PTCH2: variants seen among roughly 807,000 people sequenced by gnomAD.
PTCH2 encodes the protein protein patched homolog 2.
Under a neutral mutation model 117.9 loss-of-function variants are expected in PTCH2, and 96 were observed. The ratio of observed to expected loss-of-function variants is 0.81; its 90% confidence interval spans 0.69 to 0.96. The LOEUF is 0.96. Ranked by LOEUF, PTCH2 falls within the 50% of genes least tolerant of loss-of-function variation. The pLI is 0.00. For synonymous variants in PTCH2, 615 were observed against 660.9 expected, an observed-to-expected ratio of 0.93 and a Z score of 1.06; for missense variants, 1,379 against 1,562.5, an observed-to-expected ratio of 0.88 and a Z score of 1.98.
intron 2 of PTCH2, among the ~76,000 whole-genome samples, chr1:44,833,454 T>TTTTTA (rs1653546703): frequency 6.6e-6 from 1 of 151,122 alleles, no homozygotes; most frequent in African/African-American, 2.4e-5. Context: ...TTTTTTTTTT[T>TTTTTA]GAGACAGAGT....
rs768246990 is a variant in PTCH2 at position 44,842,003 on chromosome 1, G to A, written c.109C>T (p.Arg37Cys). The change falls in exon 2 of 22, where the codon CGT (arginine) becomes TGT (cysteine). Residue 37 changes from arginine to cysteine, a missense_variant. Arg to Cys is a radical substitution (Grantham distance 180). Coordinates refer to ENST00000372192, the MANE Select transcript of PTCH2 (RefSeq NM_003738.5). The stretch of plus-strand genomic sequence containing the variant: ...AAGAGCAGGCCCTGGAAGTAAGCAC[G>A]AAGCCAGAGTGGAGCCTTCAGGCTC... ...AGSLKAPLWL[R>C]AYFQGLLFSL... 8.7e-6 allele frequency: 14 copies of A among 1,613,968 alleles called. No homozygotes were observed. The highest frequency in any genetic ancestry group is 1.7e-4 in the Middle Eastern group (1 of 6,038).
chr1:44,832,852 C>A (rs1444914101), intron 2 of PTCH2, among the ~76,000 whole-genome samples: 1 of 152,102 alleles, frequency 6.6e-6, no homozygotes, highest in African/African-American at 2.4e-5. Context: ...TGATTTATAT[C>A]CACACACCTT....
At chr1:44,837,944 T>G (rs1390392733) in intron 2 of PTCH2, among the ~76,000 whole-genome samples, 1 of 151,792 alleles carries the variant, frequency 6.6e-6, no homozygotes, top group East Asian at 1.9e-4. Flanking sequence ...TAGCTGGGCA[T>G]GGTGGCGGGT....
chr1:44,819,985 G>GC (rs1336347976), downstream of PTCH2: 1 of 155,114 alleles, frequency 6.4e-6, no homozygotes, highest in African/African-American at 2.4e-5. Flanking sequence ...GCTTTGAAGA[G>GC]AAACCCGAGT....
intron 2 of PTCH2, among the ~76,000 whole-genome samples, chr1:44,836,767 C>T (rs1003707072): frequency 2.0e-5 from 3 of 151,724 alleles, no homozygotes; most frequent in South Asian, 4.2e-4. Context: ...AGTGGGACTG[C>T]GTCTCTACAA....
intron 2 of PTCH2, among the ~76,000 whole-genome samples, chr1:44,839,857 C>T (rs1040114422): frequency 1.3e-5 from 2 of 152,072 alleles, no homozygotes; most frequent in South Asian, 2.1e-4. Flanking sequence ...GTGGGGATGG[C>T]GTGTGGGAGC....
chr1:44,822,672 G>A lies in PTCH2; in HGVS notation c.3358-3C>T. 5.6e-6 allele frequency: 9 copies of A among 1,613,744 alleles called. No individual in the cohort carries two copies. Among genetic ancestry groups the A allele is most frequent in the Non-Finnish European group, 7.6e-6 (9 of 1,179,770 alleles). On this transcript the variant is annotated splice_region_variant and splice_polypyrimidine_tract_variant and intron_variant, in intron 21 of 21. Coordinates refer to ENST00000372192, the MANE Select transcript of PTCH2 (RefSeq NM_003738.5). ...CTTTCCTTGTACATCTGTATCACCTGTGGGGAGACACCAGCCCCAGTAAGC... is the reference window on the plus strand; with the variant it reads ...CTTTCCTTGTACATCTGTATCACCTATGGGGAGACACCAGCCCCAGTAAGC...
Position 44,827,490 on chromosome 1 carries a change from C to G in PTCH2, c.2283G>C (p.Gln761His). Residue 761 changes from glutamine (Q) to histidine (H), a missense_variant, in exon 15 of 22, where the codon CAG becomes CAC. Coordinates refer to ENST00000372192, the MANE Select transcript of PTCH2 (RefSeq NM_003738.5). ...GCACCGCCTTGAGGGAACTGAAGCGCTGGTGCAGATCAAAGAGGGCGCGTT... is the reference window on the plus strand; with the variant it reads ...GCACCGCCTTGAGGGAACTGAAGCGGTGGTGCAGATCAAAGAGGGCGCGTT... Reference protein sequence around the residue: ...HSQRALFDLHQRFSSLKAVLP... With the variant: ...HSQRALFDLHHRFSSLKAVLP... The G allele has an allele frequency of 1.2e-6, 2 of 1,614,002 alleles. No individual in the cohort carries two copies. The highest frequency in any genetic ancestry group is 1.7e-6 in the Non-Finnish European group (2 of 1,179,920).
In PTCH2 at chr1:44,832,253, G is replaced by A. The variant is rs758146648; in HGVS notation, c.354C>T (p.Thr118=). 1.3e-5 allele frequency: 21 copies of A among 1,614,038 alleles called. No homozygotes were observed. The highest frequency in any genetic ancestry group is 3.3e-5 in the South Asian group (3 of 91,094). The change falls in exon 3 of 22, where the codon ACC becomes ACT. Residue 118 remains threonine, a synonymous_variant. Transcript: ENST00000372192. ...AAYTSQMLIQ[T]ARQEGENILT... ...GGATGTTCTCTCCCTCCTGGCGTGC[G>A]GTCTGTATCAGCATCTGAGAGGTGT... is the stretch of plus-strand genomic sequence containing the variant.
chr1:44,819,959 G>A (rs74485107), downstream of PTCH2: 1,117 of 153,530 alleles, frequency 7.3e-3, 37 homozygotes, highest in East Asian at 0.098. Context: ...TTTAGTAAAA[G>A]GCGAAAGATT....
At chr1:44,841,297 G>A (rs1449478140) in intron 2 of PTCH2, among the ~76,000 whole-genome samples, 2 of 151,734 alleles carry the variant, frequency 1.3e-5, no homozygotes, top group Non-Finnish European at 2.9e-5. Context: ...CTCAAAGTGT[G>A]GATTCTGTAT....
chr1:44,820,680 A>G, downstream of PTCH2: 1 of 717,728 alleles, frequency 1.4e-6, no homozygotes, highest in South Asian at 1.5e-5. Context: ...CTGGGGTGGG[A>G]GGCAGAGGCT....
chr1:44,835,078 CTCTT>C (rs1398550529), intron 2 of PTCH2, among the ~76,000 whole-genome samples: 1 of 152,098 alleles, frequency 6.6e-6, no homozygotes. Context: ...AACAACTTGT[CTCTT>C]TTTTTTGAGA....
chr1:44,830,587 C>CAAAAAAAAAAAAAAA lies in PTCH2; in HGVS notation c.813+246_813+260dup, dbSNP rs768951349. On this transcript the variant is annotated intron_variant, in intron 6 of 21. Transcript: ENST00000372192. Reference sequence around the variant, plus strand: ...CCAGCCTGGGTGACAGAGTGAGACTCAAAAAAAAAAAAAAAAAGAAGTCCA... The same window carrying CAAAAAAAAAAAAAAA: ...CCAGCCTGGGTGACAGAGTGAGACTCAAAAAAAAAAAAAAAAAAAAAAAAAAAAAAAAGAAGTCCA... Among the ~76,000 whole-genome samples, 186 of 65,138 alleles carry CAAAAAAAAAAAAAAA rather than the reference C, an allele frequency of 2.9e-3. 10 individuals are homozygous for CAAAAAAAAAAAAAAA. Among genetic ancestry groups the CAAAAAAAAAAAAAAA allele is most frequent in the East Asian group, 5.4e-3 (10 of 1,858 alleles). 42.7% of individuals were successfully genotyped at this position (65,138 alleles called of 152,430 possible).
In PTCH2 at chr1:44,823,219, C is replaced by T; in HGVS notation, c.3257+24G>A. Reference sequence around the variant, plus strand: ...AGCCCAGGCCTGTCCTGAGCCCTGCCTCCCTGCCCCGAGCCCTCCCTACCT... The same window carrying T: ...AGCCCAGGCCTGTCCTGAGCCCTGCTTCCCTGCCCCGAGCCCTCCCTACCT... On this transcript the variant is annotated intron_variant, in intron 20 of 21. Transcript: ENST00000372192. The surrounding 1 kb of genome is among the most constrained non-coding windows in gnomAD (Gnocchi z 5.1). 1 of 1,614,186 alleles carries T rather than the reference C, an allele frequency of 6.2e-7. No homozygotes were observed. The highest frequency in any genetic ancestry group is 8.5e-7 in the Non-Finnish European group (1 of 1,180,020).
Position 44,826,672 on chromosome 1 carries a change from C to T in PTCH2, c.2792G>A (p.Arg931Gln), listed in dbSNP as rs369993325. 5.0e-6 allele frequency: 8 copies of T among 1,609,220 alleles called. No homozygotes were observed. Among genetic ancestry groups the T allele is most frequent in the East Asian group, 2.2e-5 (1 of 44,802 alleles). ...ADFVEAIEGA[R>Q]AACAEAGQAG... is the part of the protein sequence containing the mutation. ...CTGGCCGGCCTCTGCGCATGCTGCC[C>T]GGGCCCCCTCGATGGCCTCCACAAA... Residue 931 changes from arginine (R) to glutamine (Q), a missense_variant, in exon 18 of 22, where the codon CGG becomes CAG. Coordinates refer to ENST00000372192, the MANE Select transcript of PTCH2 (RefSeq NM_003738.5). The surrounding 1 kb of genome is among the most constrained non-coding windows in gnomAD (Gnocchi z 5.1).
At chr1:44,835,529 A>G (rs372246127) in intron 2 of PTCH2, among the ~76,000 whole-genome samples, 10 of 152,158 alleles carry the variant, frequency 6.6e-5, no homozygotes, top group African/African-American at 2.4e-4. Context: ...ACAAGAGTAC[A>G]CTCTAACCCA....
At chr1:44,842,121 G>A in intron 1 of PTCH2, 82 bp from the exon 2 acceptor site, 1 of 1,349,770 alleles carries the variant, frequency 7.4e-7, no homozygotes, top group East Asian at 2.3e-5. Flanking sequence ...TATATCTGCT[G>A]CCCAGCCCTC....
chr1:44,820,186 T>C, downstream of PTCH2: 2 of 351,740 alleles, frequency 5.7e-6, no homozygotes, highest in Admixed American at 3.7e-5. Context: ...GAGGGTATCT[T>C]TTCGTGGTGC....
Sources: gnomAD v4.1 joint callset for allele counts (sites outside exome capture counted in the v4.1 genomes callset) on GRCh38, gnomAD v4.1.1 for gene constraint, Gnocchi (gnomAD v3.1) non-coding constraint, MANE v1.5 for transcripts, NCBI Gene and HGNC (gene_info 2026-07-23, HGNC 2026-07-21) for gene names.